Variants in FOXJ2 observed in about 807,000 individuals in gnomAD.
FOXJ2 encodes forkhead box J2, also known as forkhead box protein J2.
Under a neutral mutation model 68.4 loss-of-function variants are expected in FOXJ2, and 18 were observed. The ratio of observed to expected loss-of-function variants is 0.26; its 90% CI spans 0.18 to 0.39. FOXJ2 has a LOEUF of 0.39. Ranked by LOEUF, FOXJ2 falls within the 10% of genes least tolerant of loss-of-function variation. The probability of loss-of-function intolerance (pLI) is 1.00; values close to 1 mark genes in which losing one functional copy is unlikely to be tolerated. For missense variants in FOXJ2, 670 were observed against 726.5 expected (o/e 0.92, Z 0.89); for synonymous variants, 274 against 263.2 (o/e 1.04, Z -0.40).
chr12:8,044,237 G>T, intron 5 of FOXJ2, 146 bp downstream of exon 5: 14 of 942,160 alleles, frequency 1.5e-5, no homozygotes, highest in Non-Finnish European at 1.4e-6. Context: ...GAGGGAAATA[G>T]AGAGAGAGAG....
In FOXJ2 at chr12:8,048,775, G is replaced by C. The variant is rs1947075549; in HGVS notation, c.1304G>C (p.Ser435Thr). 1 of 1,613,776 alleles carries C rather than the reference G, an allele frequency of 6.2e-7. No individual in the cohort carries two copies. Among genetic ancestry groups the C allele is most frequent in the Admixed American group, 1.7e-5 (1 of 60,000 alleles). Residue 435 changes from serine (S) to threonine (T), a missense_variant, in exon 8 of 11, where the codon AGC (serine) becomes ACC (threonine). Around this residue, in one of 2 missense-constraint regions of FOXJ2, gnomAD observed 555 missense variants for 562.2 expected, o/e 0.99. Coordinates refer to ENST00000162391, the MANE Select transcript of FOXJ2 (RefSeq NM_018416.3). ...FKMVNRLNWS[S>T]IEQSQFSELM... Reference sequence around the variant, plus strand: ...ATGGTGAATCGGCTCAATTGGTCCAGCATTGAGCAGTCACAATTCTCAGGT... The same window carrying C: ...ATGGTGAATCGGCTCAATTGGTCCACCATTGAGCAGTCACAATTCTCAGGT...
chr12:8,037,709 GGGAGGACCCA>G (rs1052542952), intron 1 of FOXJ2, among the ~76,000 whole-genome samples: 1 of 152,172 alleles, frequency 6.6e-6, no homozygotes, highest in Non-Finnish European at 1.5e-5. Context: ...TCCCCATCTG[GGGAGGACCCA>G]GGAGGACCCT....
chr12:8,032,808 C>T lies in FOXJ2; in HGVS notation c.-1040C>T. ...CCGGGAGCCCAGACTGGTCGGAGCCCGAGCGGTGGCAGCGCGGGGAGCCCC... is the reference window on the plus strand; with the variant it reads ...CCGGGAGCCCAGACTGGTCGGAGCCTGAGCGGTGGCAGCGCGGGGAGCCCC... On this transcript the variant is annotated 5_prime_UTR_variant, in exon 1 of 11. Transcript: ENST00000162391. This position sits in a 1 kb window ranked among gnomAD's most constrained non-coding sequence, Gnocchi z 4.8. 2.5e-6 allele frequency: 1 copy of T among 398,252 alleles called. No individual in the cohort carries two copies. The allele number at this position is 398,252 out of a possible 1,614,324, so 24.7% of individuals were successfully genotyped here. A position where few individuals can be genotyped will look rare whatever the true frequency, so the allele number is the denominator to read the frequency against.
chr12:8,045,491 C>A (rs745735905), intron 6 of FOXJ2, among the ~76,000 whole-genome samples: 1 of 152,216 alleles, frequency 6.6e-6, no homozygotes, highest in East Asian at 1.9e-4. Flanking sequence ...GTTGGAATTA[C>A]AGGCATGAGT....
In FOXJ2 at chr12:8,044,082, C is replaced by G. The variant is rs1314657712; in HGVS notation, c.609C>G (p.Ser203Arg). ...TTCAGAGCCCCACATCTATAGCCAG[C>G]TACAGCCAGGTAGGAAGCAGATATG... ...MSLQSPTSIA[S>R]YSQGTGSVDG... Residue 203 changes from serine to arginine, a missense_variant, in exon 5 of 11, where the codon AGC (serine) becomes AGG (arginine). This residue lies in a region of FOXJ2 where 555 missense variants were observed against 562.2 expected (regional missense o/e 0.99). Coordinates refer to ENST00000162391, the MANE Select transcript of FOXJ2 (RefSeq NM_018416.3). 29 of 1,537,784 alleles carry G rather than the reference C, an allele frequency of 1.9e-5. No homozygotes were observed. Among genetic ancestry groups the G allele is most frequent in the Non-Finnish European group, 2.3e-5 (26 of 1,145,374 alleles).
intron 10 of FOXJ2, among the ~76,000 whole-genome samples, chr12:8,051,135 T>TCCC (rs376171537): frequency 3.1e-5 from 4 of 130,622 alleles, no homozygotes; most frequent in African/African-American, 1.1e-4. Flanking sequence ...TCCCTTCCCC[T>TCCC]TTTCTTTTCT....
chr12:8,052,379 C>G, intron 10 of FOXJ2, among the ~76,000 whole-genome samples: 1 of 151,990 alleles, frequency 6.6e-6, no homozygotes, highest in Non-Finnish European at 1.5e-5. Context: ...TGACCACACC[C>G]AGCTAATTTT....
rs748255213 is a variant in FOXJ2, at chr12:8,052,741, C to CTCTT, written c.1637-9_1637-6dup. The CTCTT allele has an allele frequency of 2.4e-4, 381 of 1,587,246 alleles. 1 individual carries two copies. The highest frequency in any genetic ancestry group is 3.2e-4 in the Non-Finnish European group (373 of 1,162,688). On this transcript the variant is annotated intron_variant, in intron 10 of 10. Coordinates refer to ENST00000162391, the MANE Select transcript of FOXJ2 (RefSeq NM_018416.3). Reference sequence around the variant, plus strand: ...GCTTCCCATCCACTCTCCTTTTACTCTCTTTCTTTCTTTCTAACAGCACAC... The same window carrying CTCTT: ...GCTTCCCATCCACTCTCCTTTTACTCTCTTTCTTTCTTTCTTTCTAACAGCACAC...
At position 8,050,010 on chromosome 12, in the gene FOXJ2, C is replaced by G. The variant is rs918794373; in HGVS notation, c.1537+439C>G. ...TTGAGATGGGGTCTCGCTCTGTCGC[C>G]CAGGCTCTGGAGTGCAGTGGTGTGA... is the stretch of plus-strand genomic sequence containing the variant. On this transcript the variant is annotated intron_variant, in intron 9 of 10. Coordinates refer to ENST00000162391, the MANE Select transcript of FOXJ2 (RefSeq NM_018416.3). The G allele has an allele frequency of 4.7e-5, 9 of 192,718 alleles. No homozygotes were observed. The Admixed American group carries it at 5.3e-4, about 11-fold the overall frequency. The allele number at this position is 192,718 out of a possible 1,614,324, so 11.9% of individuals were successfully genotyped here.
intron 1 of FOXJ2, 137 bp from the exon 2 acceptor site, chr12:8,039,682 G>T: frequency 1.4e-6 from 1 of 712,162 alleles, no homozygotes; most frequent in Non-Finnish European, 2.3e-6. Context: ...TGGGGATTCT[G>T]GGAACACCTG....
intron 1 of FOXJ2, among the ~76,000 whole-genome samples, chr12:8,036,211 C>T (rs1946892924): frequency 6.6e-6 from 1 of 152,232 alleles, no homozygotes; most frequent in Admixed American, 6.5e-5. Context: ...CCACTGCCCT[C>T]TTTGTTCTAG....
At position 8,047,873 on chromosome 12, in the gene FOXJ2, C is replaced by G. The variant is rs149447787; in HGVS notation, c.818-9C>G. On this transcript the variant is annotated splice_polypyrimidine_tract_variant and intron_variant, in intron 6 of 10. Coordinates refer to ENST00000162391, the MANE Select transcript of FOXJ2 (RefSeq NM_018416.3). ...TTAAGTCACTTGCCTGCTTCCTCCC[C>G]ACCTGCAGGCTTTTCTTCTCTCCTG... The G allele has an allele frequency of 6.4e-7, 1 of 1,562,232 alleles. No homozygotes were observed. Among genetic ancestry groups the G allele is most frequent in the African/African-American group, 1.4e-5 (1 of 73,668 alleles).
chr12:8,054,526 G>T lies in FOXJ2; in HGVS notation c.*1676G>T, dbSNP rs1947163448. ...TCCACCCCTTTCCTTTTTTTGGAAG[G>T]GGGTTATATATGAGAGTTCATTGAA... On this transcript the variant is annotated 3_prime_UTR_variant, in exon 11 of 11. Transcript: ENST00000162391. 6.6e-6 allele frequency: 1 copy of T among 152,484 alleles called. No homozygotes were observed. Among genetic ancestry groups the T allele is most frequent in the Non-Finnish European group, 1.5e-5 (1 of 68,004 alleles). 9.4% of individuals were successfully genotyped at this position (152,484 alleles called of 1,614,324 possible). A position where few individuals can be genotyped will look rare whatever the true frequency, so the allele number is the denominator to read the frequency against.
chr12:8,036,448 C>T (rs117509097), intron 1 of FOXJ2, among the ~76,000 whole-genome samples: 2,071 of 152,220 alleles, frequency 0.014, 23 homozygotes, highest in Non-Finnish European at 0.02. Flanking sequence ...ATGTGATGGA[C>T]CCTGCCCTTT....
In FOXJ2 at chr12:8,055,365, C is replaced by G. The variant is rs1043902065; in HGVS notation, c.*2515C>G. 9 of 152,614 alleles carry G rather than the reference C, an allele frequency of 5.9e-5. No individual in the cohort carries two copies. Among genetic ancestry groups the G allele is most frequent in the Non-Finnish European group, 1.2e-4 (8 of 68,056 alleles). The allele number at this position is 152,614 out of a possible 1,614,324, so 9.5% of individuals were successfully genotyped here. ...CTTTCTCTCCTCAGTCCCTGCTCCTCATGTTTCTGGTTTGGTGAGTCCTTT... is the reference window on the plus strand; with the variant it reads ...CTTTCTCTCCTCAGTCCCTGCTCCTGATGTTTCTGGTTTGGTGAGTCCTTT... On this transcript the variant is annotated 3_prime_UTR_variant, in exon 11 of 11. Transcript: ENST00000162391.
rs749334036 is a variant in FOXJ2 at position 8,048,304 on chromosome 12, T to G, written c.1225+15T>G. On this transcript the variant is annotated intron_variant, in intron 7 of 10. Coordinates refer to ENST00000162391, the MANE Select transcript of FOXJ2 (RefSeq NM_018416.3). Reference sequence around the variant, plus strand: ...CACTGGCTTTGGTGAGTAAGGAGGGTGCACAGTGATCTAGAGGAGGGTGGG... The same window carrying G: ...CACTGGCTTTGGTGAGTAAGGAGGGGGCACAGTGATCTAGAGGAGGGTGGG... 13 of 1,539,060 alleles carry G rather than the reference T, an allele frequency of 8.4e-6. No homozygotes were observed. The highest frequency in any genetic ancestry group is 2.5e-5 in the South Asian group (2 of 79,988).
rs533072181 is a variant in FOXJ2 at position 8,049,976 on chromosome 12, T to C, written c.1537+405T>C. 30 of 228,500 alleles carry C rather than the reference T, an allele frequency of 1.3e-4. No homozygotes were observed. The South Asian group carries it at 3.8e-3, about 29-fold the overall frequency. 14.2% of individuals were successfully genotyped at this position (228,500 alleles called of 1,614,324 possible). On this transcript the variant is annotated intron_variant, in intron 9 of 10. Transcript: ENST00000162391. ...TCATGATTATGTTCCTGTTTCTTGC[T>C]TTTTGTTTTTGAGATGGGGTCTCGC...
intron 1 of FOXJ2, among the ~76,000 whole-genome samples, chr12:8,039,158 G>A (rs1946933893): frequency 1.3e-5 from 2 of 152,076 alleles, no homozygotes; most frequent in Admixed American, 6.5e-5. Flanking sequence ...ATATGTAATC[G>A]TGATCTCTGT....
intron 2 of FOXJ2, among the ~76,000 whole-genome samples, chr12:8,041,507 C>T (rs1425348161): frequency 6.6e-6 from 1 of 151,156 alleles, no homozygotes; most frequent in Non-Finnish European, 1.5e-5. Context: ...CGTACCCAGC[C>T]TCTCTTTTTT....
Sources: allele counts gnomAD v4.1 joint callset (sites outside exome capture counted in the v4.1 genomes callset), GRCh38; gene constraint gnomAD v4.1.1; regional missense constraint gnomAD v4.1.1; non-coding constraint Gnocchi (gnomAD v3.1); transcripts MANE v1.5; gene names NCBI Gene and HGNC (gene_info 2026-07-23, HGNC 2026-07-21).